SLC2A3: variants seen among roughly 807,000 people sequenced by gnomAD.
The protein encoded by SLC2A3 is solute carrier family 2 member 3, also known as solute carrier family 2, facilitated glucose transporter member 3.
In SLC2A3, 21 loss-of-function variants were observed where a neutral mutation model predicts 46.4. The ratio of observed to expected loss-of-function variants is 0.45; its 90% CI spans 0.32 to 0.65. SLC2A3 has a LOEUF of 0.65. Among genes scored for constraint, SLC2A3 ranks in the 30% least tolerant of loss-of-function variants. The pLI, the probability that SLC2A3 is intolerant of heterozygous loss-of-function variation, is 0.04. For synonymous variants in SLC2A3, 213 were observed against 239.4 expected (o/e 0.89, Z 1.02); for missense variants, 499 against 623.3 (o/e 0.80, Z 2.12).
rs1160028289 is a variant in SLC2A3 at position 7,922,891 on chromosome 12, G to A, written c.1202C>T (p.Ala401Val). ...ELFSQGPRPA[A>V]MAVAGCSNWT... ...GTTGGAGCAGCCGGCCACTGCCATC[G>A]CAGCTGGGCGGGGGCCCTGGCTGAA... Residue 401 changes from alanine (A) to valine (V), a missense_variant, in exon 9 of 10, where the codon GCG (alanine) becomes GTG (valine). Transcript: ENST00000075120. 4 of 1,614,146 alleles carry A rather than the reference G, an allele frequency of 2.5e-6. No individual in the cohort carries two copies. Among genetic ancestry groups the A allele is most frequent in the Non-Finnish European group, 3.4e-6 (4 of 1,180,006 alleles).
intron 6 of SLC2A3, among the ~76,000 whole-genome samples, chr12:7,928,090 A>G (rs1946113708): frequency 6.6e-6 from 1 of 151,708 alleles, no homozygotes. Context: ...TGGGTGACAG[A>G]ACAAGACTTC....
chr12:7,930,806 T>C (rs1356086587), intron 4 of SLC2A3, among the ~76,000 whole-genome samples, 164 bp from the exon 5 acceptor site: 4 of 146,020 alleles, frequency 2.7e-5, no homozygotes, highest in Non-Finnish European at 6.0e-5. Flanking sequence ...TTTTTTTTTT[T>C]TTTTTTTTGA....
intron 6 of SLC2A3, among the ~76,000 whole-genome samples, chr12:7,929,150 G>A (rs762017302): frequency 5.9e-5 from 9 of 152,188 alleles, no homozygotes; most frequent in African/African-American, 2.2e-4. Flanking sequence ...ATTGATCAAA[G>A]ACTATCTGAA....
At position 7,922,845 on chromosome 12, in the gene SLC2A3, G is replaced by A. The variant is rs565741889; in HGVS notation, c.1248C>T (p.Val416=). 11 of 1,614,004 alleles carry A rather than the reference G, an allele frequency of 6.8e-6. No homozygotes were observed. The highest frequency in any genetic ancestry group is 1.7e-4 in the Middle Eastern group (1 of 6,058). ...GCSNWTSNFL[V]GLLFPSAAHY... Reference sequence around the variant, plus strand: ...CAGCAGCGGAGGGGAAGAGCAATCCGACTAGGAAGTTGGAGGTCCAGTTGG... The same window carrying A: ...CAGCAGCGGAGGGGAAGAGCAATCCAACTAGGAAGTTGGAGGTCCAGTTGG... Residue 416 remains valine, a synonymous_variant, in exon 9 of 10, where the codon GTC becomes GTT. Coordinates refer to ENST00000075120, the MANE Select transcript of SLC2A3 (RefSeq NM_006931.3).
chr12:7,933,450 G>C, intron 2 of SLC2A3: 2 of 484,374 alleles, frequency 4.1e-6, no homozygotes, highest in Non-Finnish European at 7.4e-6. Context: ...ACTATGAGGT[G>C]AAAGAGTGGG....
At chr12:7,933,349 G>GCACCGATGTTCACAGTCTACCCCAGCCCT in intron 2 of SLC2A3, 1 of 697,738 alleles carries the variant, frequency 1.4e-6, no homozygotes, top group Non-Finnish European at 2.3e-6. Flanking sequence ...GTAGGTGGCA[G>GCACCGATGTTCACAGTCTACCCCAGCCCT]CACCGATGTT....
At chr12:7,924,095 TATG>T (rs1946069753) in intron 8 of SLC2A3, among the ~76,000 whole-genome samples, 1 of 152,184 alleles carries the variant, frequency 6.6e-6, no homozygotes, top group Admixed American at 6.5e-5. Flanking sequence ...ATCCCATCTA[TATG>T]ATCTCATATA....
rs1439505545 is a variant in SLC2A3 at position 7,925,886 on chromosome 12, G to T, written c.924C>A (p.Thr308=). ...TAGTATTAACCACACCCGCGCCGAT[G>T]GTGGCATAGATGGGCTCTTGAACAC... ...DAGVQEPIYA[T]IGAGVVNTIF... Residue 308 remains threonine, a synonymous_variant, in exon 7 of 10, where the codon ACC becomes ACA. Transcript: ENST00000075120. 1 of 1,613,796 alleles carries T rather than the reference G, an allele frequency of 6.2e-7. No homozygotes were observed. Among genetic ancestry groups the T allele is most frequent in the South Asian group, 1.1e-5 (1 of 91,082 alleles).
chr12:7,935,556 G>A (rs1372105230), intron 1 of SLC2A3, among the ~76,000 whole-genome samples: 3 of 152,120 alleles, frequency 2.0e-5, no homozygotes, highest in African/African-American at 7.2e-5. Context: ...AAGGACAACT[G>A]GAATTCTTTC....
chr12:7,928,175 G>T lies in SLC2A3; in HGVS notation c.861+1509C>A, dbSNP rs753712229. On this transcript the variant is annotated intron_variant, in intron 6 of 9. Coordinates refer to ENST00000075120, the MANE Select transcript of SLC2A3 (RefSeq NM_006931.3). ...AGCATTTAGGAAGGCCGTGGCAGGC[G>T]GATCATGAGGTCAAGAGATCGAGAC... Among the ~76,000 whole-genome samples, 115 of 151,536 alleles carry T rather than the reference G, an allele frequency of 7.6e-4. 1 individual carries two copies. The highest frequency in any genetic ancestry group is 2.6e-3 in the African/African-American group (107 of 41,338).
At chr12:7,925,111 CCA>C (rs1259030564) in intron 7 of SLC2A3, among the ~76,000 whole-genome samples, 8 of 152,398 alleles carry the variant, frequency 5.2e-5, no homozygotes, top group East Asian at 3.9e-4. Context: ...CACCCCAACC[CCA>C]CAGAGACAGA....
chr12:7,933,785 C>T lies in SLC2A3; in HGVS notation c.108+25G>A, dbSNP rs774226888. 2.5e-5 allele frequency: 40 copies of T among 1,603,656 alleles called. 1 individual carries two copies. The African/African-American group carries it at 3.7e-4, about 15-fold the overall frequency. Reference sequence around the variant, plus strand: ...AGGAATAACTTCCCTATTCTAAATTCTAATTATTGTGGCCTGGCACTCACC... The same window carrying T: ...AGGAATAACTTCCCTATTCTAAATTTTAATTATTGTGGCCTGGCACTCACC... On this transcript the variant is annotated intron_variant, in intron 2 of 9. Transcript: ENST00000075120.
chr12:7,925,770 C>T (rs1946089150), intron 7 of SLC2A3, 74 bp downstream of exon 7: 5 of 1,136,574 alleles, frequency 4.4e-6, no homozygotes, highest in Non-Finnish European at 6.6e-6. Context: ...ATGGTAGGGT[C>T]ATGCAATCCA....
intron 8 of SLC2A3, among the ~76,000 whole-genome samples, chr12:7,924,047 C>T (rs952847822): frequency 3.9e-5 from 6 of 152,060 alleles, no homozygotes; most frequent in South Asian, 2.1e-4. Context: ...GGATTACAGG[C>T]GTGAGCCACC....
chr12:7,926,714 G>A (rs1239991793), intron 6 of SLC2A3, among the ~76,000 whole-genome samples: 1 of 152,002 alleles, frequency 6.6e-6, no homozygotes, highest in African/African-American at 2.4e-5. Flanking sequence ...ACATTGATAG[G>A]GACATCGATG....
Position 7,922,807 on chromosome 12 carries a change from G to T in SLC2A3, c.1272+14C>A. 6.2e-7 allele frequency: 1 copy of T among 1,613,940 alleles called. No homozygotes were observed. The highest frequency in any genetic ancestry group is 2.2e-5 in the East Asian group (1 of 44,884). The stretch of plus-strand genomic sequence containing the variant: ...TTACATAGGCTGGTTTTAAGATAAG[G>T]TGAGTTTACTTACAGCAGCGGAGGG... On this transcript the variant is annotated intron_variant, in intron 9 of 9. Transcript: ENST00000075120.
At chr12:7,932,909 C>G (rs1159148682) in intron 3 of SLC2A3, 78 bp downstream of exon 3, 91 of 1,564,658 alleles carry the variant, frequency 5.8e-5, no homozygotes, top group Non-Finnish European at 7.5e-5. Context: ...GCATCATCAC[C>G]TCCCTGCCCT....
intron 3 of SLC2A3, among the ~76,000 whole-genome samples, chr12:7,932,199 T>C (rs1592358257): frequency 7.0e-6 from 1 of 142,978 alleles, no homozygotes; most frequent in Admixed American, 7.1e-5. Flanking sequence ...TGAGACGGGG[T>C]TTTGCTCTTT....
chr12:7,925,805 T>TCCC (rs1352308118), intron 7 of SLC2A3, 39 bp downstream of exon 7: 4 of 1,474,238 alleles, frequency 2.7e-6, no homozygotes, highest in Non-Finnish European at 3.8e-6. Flanking sequence ...TAGCAAGGAT[T>TCCC]CTTTTCTCCC....
Sources: gnomAD v4.1 joint callset for allele counts (sites outside exome capture counted in the v4.1 genomes callset) on GRCh38, gnomAD v4.1.1 for gene constraint, MANE v1.5 for transcripts, NCBI Gene and HGNC (gene_info 2026-07-23, HGNC 2026-07-21) for gene names.